The following CNGB1 variants were observed in gnomAD, a reference collection of about 807,000 sequenced individuals.
CNGB1 encodes the protein cyclic nucleotide gated channel subunit beta 1, also known as cyclic nucleotide-gated channel beta-1.
In CNGB1, 126 loss-of-function variants were observed where a neutral mutation model predicts 151.7. The ratio of observed to expected loss-of-function variants is 0.83; its 90% CI spans 0.72 to 0.96. The LOEUF is 0.96. Ranked by LOEUF, CNGB1 falls within the 40% of genes least tolerant of loss-of-function variation. CNGB1 has a pLI of 0.00. For missense variants in CNGB1, 1,698 were observed against 1,627.0 expected, an observed-to-expected ratio of 1.04 and a Z score of -0.75; for synonymous variants, 623 against 635.1, an observed-to-expected ratio of 0.98 and a Z score of 0.29.
At chr16:57,964,435 A>G in intron 3 of CNGB1, 52 bp downstream of exon 3, 2 of 1,602,724 alleles carry the variant, frequency 1.2e-6, no homozygotes, top group Non-Finnish European at 1.7e-6. Flanking sequence ...CTCCGAGGGG[A>G]GAATGCGGGC....
chr16:57,969,817 G>A lies in CNGB1; in HGVS notation c.-9+1243C>T, dbSNP rs531366583. Among the ~76,000 whole-genome samples the A allele has an allele frequency of 9.2e-5, 14 of 152,286 alleles. 1 individual carries two copies. The highest frequency in any genetic ancestry group is 4.1e-4 in the South Asian group (2 of 4,824). ...CAGGATGGCCTGGCCAGTGCGCAGC[G>A]TGCAGGTCAGTGTGTGCTAACTCCT... On this transcript the variant is annotated intron_variant, in intron 1 of 32. Transcript: ENST00000251102.
chr16:57,959,706 G>C (rs1962188469), intron 10 of CNGB1, among the ~76,000 whole-genome samples, 182 bp downstream of exon 10: 1 of 152,250 alleles, frequency 6.6e-6, no homozygotes, highest in Non-Finnish European at 1.5e-5. Context: ...CCCAAAGCTT[G>C]AAAGCTTGGA....
chr16:57,945,995 CT>C (rs2149379695), intron 14 of CNGB1, among the ~76,000 whole-genome samples: 1 of 152,226 alleles, frequency 6.6e-6, no homozygotes, highest in East Asian at 1.9e-4. Flanking sequence ...CGGGGGCTGT[CT>C]AGGGGCCATG....
chr16:57,950,577 G>A, intron 12 of CNGB1, 37 bp from the exon 13 acceptor site: 6 of 1,612,716 alleles, frequency 3.7e-6, no homozygotes, highest in Non-Finnish European at 5.1e-6. Context: ...TATGGGATGT[G>A]CGGGAGAGTG....
At chr16:57,951,117 T>A (rs1961938582) in intron 12 of CNGB1, among the ~76,000 whole-genome samples, 1 of 152,170 alleles carries the variant, frequency 6.6e-6, no homozygotes, top group South Asian at 2.1e-4. Context: ...GTGGTCCCAA[T>A]TTCAGATGGG....
intron 12 of CNGB1, chr16:57,954,976 G>A (rs953821301): frequency 2.1e-5 from 23 of 1,098,244 alleles, no homozygotes; most frequent in African/African-American, 1.3e-4. Flanking sequence ...CTCGAACTTC[G>A]GGGCTCAAGC....
At chr16:57,914,950 T>C (rs1228866860) in intron 23 of CNGB1, among the ~76,000 whole-genome samples, 1 of 152,148 alleles carries the variant, frequency 6.6e-6, no homozygotes, top group African/African-American at 2.4e-5. Context: ...CATTCATATC[T>C]GGGCTCCACT....
At chr16:57,905,998 G>A (rs1345784895) in intron 25 of CNGB1, among the ~76,000 whole-genome samples, 3 of 152,360 alleles carry the variant, frequency 2.0e-5, no homozygotes, top group East Asian at 1.9e-4. Context: ...GGGTCCCTCT[G>A]ACACCTGTCC....
chr16:57,906,914 C>T (rs150951536), intron 25 of CNGB1, among the ~76,000 whole-genome samples: 126 of 152,266 alleles, frequency 8.3e-4, no homozygotes, highest in Non-Finnish European at 1.0e-3. Context: ...AGCACTGGGG[C>T]GGGATGCAGG....
chr16:57,966,391 T>C (rs1340790321), intron 2 of CNGB1, among the ~76,000 whole-genome samples: 1 of 152,242 alleles, frequency 6.6e-6, no homozygotes, highest in Non-Finnish European at 1.5e-5. Flanking sequence ...ATGTGTCGAA[T>C]TGAGCTGCTG....
rs763846389 is a variant in CNGB1 at position 57,884,465 on chromosome 16, C to A, written c.3463-8G>T. 17 of 1,613,262 alleles carry A rather than the reference C, an allele frequency of 1.1e-5. No homozygotes were observed. Among genetic ancestry groups the A allele is most frequent in the Non-Finnish European group, 1.4e-5 (16 of 1,179,778 alleles). ...GTCTTGCGAGCTCTTGGCCTGGAAT[C>A]CAGAAAGGGTGACTCGTGAGGCACA... is the stretch of plus-strand genomic sequence containing the variant. On this transcript the variant is annotated splice_polypyrimidine_tract_variant and splice_region_variant and intron_variant, in intron 32 of 32. Coordinates refer to ENST00000251102, the MANE Select transcript of CNGB1 (RefSeq NM_001297.5).
intron 12 of CNGB1, chr16:57,955,000 C>G (rs765106830): frequency 5.3e-4 from 601 of 1,136,674 alleles, no homozygotes; most frequent in Non-Finnish European, 5.6e-4. Flanking sequence ...CCTCCTGCCT[C>G]AGCCTCCCAA....
intron 14 of CNGB1, among the ~76,000 whole-genome samples, chr16:57,943,560 C>G (rs2149378305): frequency 6.6e-6 from 1 of 152,278 alleles, no homozygotes; most frequent in South Asian, 2.1e-4. Context: ...ATCCCAGCTA[C>G]TTGGCAGGCT....
chr16:57,919,956 C>T (rs988386131), intron 19 of CNGB1, among the ~76,000 whole-genome samples: 1 of 152,158 alleles, frequency 6.6e-6, no homozygotes, highest in African/African-American at 2.4e-5. Flanking sequence ...CCTCCTGATA[C>T]CTTGAAAGAA....
intron 13 of CNGB1, 83 bp from the exon 14 acceptor site, chr16:57,949,522 T>A: frequency 6.2e-7 from 1 of 1,601,392 alleles, no homozygotes; most frequent in East Asian, 2.2e-5. Flanking sequence ...TTCTGTAGGA[T>A]GTCCCATGAC....
chr16:57,921,142 A>G (rs1263949663), intron 18 of CNGB1, among the ~76,000 whole-genome samples: 4 of 148,890 alleles, frequency 2.7e-5, no homozygotes, highest in Non-Finnish European at 5.9e-5. Flanking sequence ...TTTTTCATAC[A>G]TTAGGACACA....
chr16:57,893,628 T>C (rs1960152044), intron 31 of CNGB1, among the ~76,000 whole-genome samples: 1 of 152,024 alleles, frequency 6.6e-6, no homozygotes, highest in Admixed American at 6.6e-5. Flanking sequence ...TGAAACCCCG[T>C]CTCTACTTAA....
At chr16:57,915,783 C>T (rs1436498327) in intron 22 of CNGB1, among the ~76,000 whole-genome samples, 6 of 151,456 alleles carry the variant, frequency 4.0e-5, no homozygotes, top group Non-Finnish European at 8.8e-5. Flanking sequence ...CTTGTAATCC[C>T]AGCTACTAGG....
chr16:57,963,091 C>T, intron 4 of CNGB1, 27 bp from the exon 5 acceptor site: 1 of 1,552,596 alleles, frequency 6.4e-7, no homozygotes, highest in Non-Finnish European at 8.9e-7. Context: ...CACCAGCCCG[C>T]CCTCAACTTC....
Sources: gnomAD v4.1 joint callset for allele counts (sites outside exome capture counted in the v4.1 genomes callset) on GRCh38, gnomAD v4.1.1 for gene constraint, MANE v1.5 for transcripts, NCBI Gene and HGNC (gene_info 2026-07-23, HGNC 2026-07-21) for gene names.